SYK: variants seen among roughly 807,000 people sequenced by gnomAD.
The protein encoded by SYK is spleen associated tyrosine kinase.
A neutral mutation model predicts 77.8 loss-of-function variants in SYK; 16 were observed. That is an observed-to-expected ratio of 0.21 (90% CI 0.14 to 0.31). The LOEUF (loss-of-function observed/expected upper bound fraction) is 0.31, where lower values mean the gene tolerates loss of function less well. SYK is among the 10% of genes least tolerant of loss of function. The pLI, the probability that SYK is intolerant of heterozygous loss-of-function variation, is 1.00. For missense variants in SYK, 529 were observed against 814.4 expected (o/e 0.65, Z 4.26); for synonymous variants, 312 against 308.7 (o/e 1.01, Z -0.11).
intron 9 of SYK, among the ~76,000 whole-genome samples, chr9:90,876,943 C>A (rs1353221111): frequency 6.6e-6 from 1 of 152,186 alleles, no homozygotes; most frequent in East Asian, 1.9e-4. Flanking sequence ...TACAGGAATT[C>A]GTACATGTCA....
intron 3 of SYK, 28 bp from the exon 4 acceptor site, chr9:90,862,178 G>T (rs1295191331): frequency 1.3e-6 from 2 of 1,579,350 alleles, no homozygotes; most frequent in South Asian, 2.3e-5. Context: ...CGGGCCTGGG[G>T]ATGATGCAGT....
chr9:90,891,142 CTT>C (rs750370621), intron 13 of SYK, among the ~76,000 whole-genome samples: 12 of 119,092 alleles, frequency 1.0e-4, no homozygotes, highest in Middle Eastern at 4.4e-3. Flanking sequence ...ATGTTGCCTG[CTT>C]TTTTTTTTTT....
intron 3 of SYK, among the ~76,000 whole-genome samples, chr9:90,851,410 C>T (rs1826815089): frequency 6.6e-6 from 1 of 152,186 alleles, no homozygotes; most frequent in Non-Finnish European, 1.5e-5. Flanking sequence ...CGAATATAAA[C>T]AGAGGCTCTT....
chr9:90,822,953 T>A (rs1206373457), intron 1 of SYK, among the ~76,000 whole-genome samples: 1 of 152,190 alleles, frequency 6.6e-6, no homozygotes, highest in East Asian at 1.9e-4. Context: ...AAAGAGCTCC[T>A]CATGGCCCTG....
chr9:90,843,331 T>C (rs2118623348), intron 1 of SYK, among the ~76,000 whole-genome samples: 1 of 152,272 alleles, frequency 6.6e-6, no homozygotes, highest in East Asian at 1.9e-4. Context: ...AGCACCAGCG[T>C]GTGACTGACT....
At chr9:90,864,754 G>A (rs1047606429) in intron 5 of SYK, 87 bp downstream of exon 5, 2 of 1,191,720 alleles carry the variant, frequency 1.7e-6, no homozygotes, top group Non-Finnish European at 2.5e-6. Flanking sequence ...GCAGATTTGG[G>A]TTGGATGAGG....
intron 1 of SYK, among the ~76,000 whole-genome samples, chr9:90,803,712 C>T (rs1338965700): frequency 6.6e-6 from 1 of 151,750 alleles, no homozygotes; most frequent in Non-Finnish European, 1.5e-5. Flanking sequence ...TATGCTTGTG[C>T]CAAGACGTAT....
chr9:90,820,172 A>G (rs1369993064), intron 1 of SYK, among the ~76,000 whole-genome samples: 1 of 152,168 alleles, frequency 6.6e-6, no homozygotes, highest in East Asian at 1.9e-4. Context: ...CTGCTTTCAC[A>G]GGTTGGCATT....
At chr9:90,868,640 G>T (rs1174788722) in intron 7 of SYK, among the ~76,000 whole-genome samples, 2 of 152,162 alleles carry the variant, frequency 1.3e-5, no homozygotes, top group Non-Finnish European at 2.9e-5. Flanking sequence ...GAAGAGAAAT[G>T]CAAGTTAAAA....
rs188175403 is a variant in SYK at position 90,840,729 on chromosome 9, A to G, written c.-41-3129A>G. On this transcript the variant is annotated intron_variant, in intron 1 of 13. Coordinates refer to ENST00000375754, the MANE Select transcript of SYK (RefSeq NM_003177.7). ...TAAAAAACAAAAACACCTTGCTAAG[A>G]GATGAATTTTTAGAAACTTGTTGGA... 3.9e-5 allele frequency among the ~76,000 whole-genome samples: 6 copies of G among 152,334 alleles called. No individual in the cohort carries two copies. The East Asian group carries it at 9.6e-4, about 24-fold the overall frequency.
intron 1 of SYK, among the ~76,000 whole-genome samples, chr9:90,805,179 G>C (rs2118240440): frequency 6.6e-6 from 1 of 152,348 alleles, no homozygotes; most frequent in East Asian, 1.9e-4. Flanking sequence ...GCCAAAGGCA[G>C]ATGGTGGTGG....
intron 13 of SYK, among the ~76,000 whole-genome samples, chr9:90,893,864 T>C (rs1044724814): frequency 1.3e-5 from 2 of 152,116 alleles, no homozygotes; most frequent in Non-Finnish European, 2.9e-5. Context: ...CAGAGCAGAA[T>C]CTGCACTCTG....
chr9:90,880,552 G>A (rs1828109945), intron 11 of SYK, among the ~76,000 whole-genome samples: 1 of 152,202 alleles, frequency 6.6e-6, no homozygotes, highest in African/African-American at 2.4e-5. Flanking sequence ...AATGCTGGAT[G>A]TACCTCATCA....
At chr9:90,885,487 A>C (rs963066349) in intron 11 of SYK, among the ~76,000 whole-genome samples, 2 of 152,206 alleles carry the variant, frequency 1.3e-5, no homozygotes, top group African/African-American at 2.4e-5. Flanking sequence ...GACAAAAATA[A>C]AGAGAAAAGA....
At chr9:90,837,302 A>G (rs757780109) in intron 1 of SYK, among the ~76,000 whole-genome samples, 3 of 152,140 alleles carry the variant, frequency 2.0e-5, no homozygotes, top group Non-Finnish European at 4.4e-5. Flanking sequence ...AGGCAGTGAA[A>G]TCTCCAGACC....
At chr9:90,823,627 A>G (rs1254400057) in intron 1 of SYK, among the ~76,000 whole-genome samples, 2 of 152,204 alleles carry the variant, frequency 1.3e-5, no homozygotes, top group African/African-American at 4.8e-5. Context: ...CTGGAAATCA[A>G]ACAACAGACT....
chr9:90,863,140 G>A (rs2118791069), intron 4 of SYK, among the ~76,000 whole-genome samples: 1 of 152,318 alleles, frequency 6.6e-6, no homozygotes, highest in South Asian at 2.1e-4. Context: ...TCTTAATTTT[G>A]CATCACAGCT....
intron 1 of SYK, among the ~76,000 whole-genome samples, chr9:90,820,150 C>G (rs1436175224): frequency 6.6e-6 from 1 of 152,204 alleles, no homozygotes; most frequent in Non-Finnish European, 1.5e-5. Flanking sequence ...CAGTGTACAG[C>G]CTCCCTCATG....
rs1828934291 is a variant in SYK, at chr9:90,895,091, G to A, written c.1836-437G>A. On this transcript the variant is annotated intron_variant, in intron 13 of 13. Transcript: ENST00000375754. This position sits in a 1 kb window ranked among gnomAD's most constrained non-coding sequence, Gnocchi z 4.4. ...ATTTCTTCTCTTAACAAGATTATGAGTCAGATGTTGACTATATCTGCAGAA... is the reference window on the plus strand; with the variant it reads ...ATTTCTTCTCTTAACAAGATTATGAATCAGATGTTGACTATATCTGCAGAA... 6.6e-6 allele frequency among the ~76,000 whole-genome samples: 1 copy of A among 152,220 alleles called. No individual in the cohort carries two copies. Among genetic ancestry groups the A allele is most frequent in the Non-Finnish European group, 1.5e-5 (1 of 68,042 alleles).
Sources: gnomAD v4.1 joint callset for allele counts (sites outside exome capture counted in the v4.1 genomes callset) on GRCh38, gnomAD v4.1.1 for gene constraint, Gnocchi (gnomAD v3.1) non-coding constraint, MANE v1.5 for transcripts, NCBI Gene and HGNC (gene_info 2026-07-23, HGNC 2026-07-21) for gene names.